The following C12orf43 variants were observed in gnomAD, a reference collection of about 807,000 sequenced individuals.
The protein encoded by C12orf43 is chromosome 12 open reading frame 43.
Under a neutral mutation model 20.6 loss-of-function variants are expected in C12orf43, and 15 were observed. The observed-to-expected ratio is 0.73, with a 90% CI of 0.49 to 1.12. The LOEUF (loss-of-function observed/expected upper bound fraction) is 1.12, where lower values mean the gene tolerates loss of function less well. Ranked by LOEUF, C12orf43 falls within the 50% of genes most tolerant of loss-of-function variation. The pLI is 0.00. For missense variants in C12orf43, 334 were observed against 344.4 expected, an observed-to-expected ratio of 0.97 and a Z score of 0.24; for synonymous variants, 144 against 130.8, an observed-to-expected ratio of 1.10 and a Z score of -0.69.
At position 121,000,646 on chromosome 12, in the gene C12orf43, C is replaced by A. The variant is rs775934972; in HGVS notation, c.*3507G>T. On this transcript the variant is annotated 3_prime_UTR_variant, in exon 6 of 6. Transcript: ENST00000288757. ...GGGAAACCGGTTTTTGCTCTTACGG[C>A]CTTCCACTGATGTAGGAGGCCCACC... The A allele has an allele frequency of 7.7e-6, 2 of 260,178 alleles. No individual in the cohort carries two copies. Among genetic ancestry groups the A allele is most frequent in the Non-Finnish European group, 1.5e-5 (2 of 131,356 alleles). 16.1% of individuals were successfully genotyped at this position (260,178 alleles called of 1,614,324 possible). A position where few individuals can be genotyped will look rare whatever the true frequency, so the allele number is the denominator to read the frequency against.
In C12orf43 at chr12:121,004,034, G is replaced by A; in HGVS notation, c.*119C>T. On this transcript the variant is annotated 3_prime_UTR_variant, in exon 6 of 6. Transcript: ENST00000288757. This position sits in a 1 kb window ranked among gnomAD's most constrained non-coding sequence, Gnocchi z 5.6. ...CATCAGGGTCTCATGGGCAGTCTGGGTTTGCCAGCCCAGTCCTTGAACTTG... is the reference window on the plus strand; with the variant it reads ...CATCAGGGTCTCATGGGCAGTCTGGATTTGCCAGCCCAGTCCTTGAACTTG... 8.5e-7 allele frequency: 1 copy of A among 1,180,830 alleles called. No homozygotes were observed. The highest frequency in any genetic ancestry group is 1.3e-6 in the Non-Finnish European group (1 of 795,558). 73.1% of individuals were successfully genotyped at this position (1,180,830 alleles called of 1,614,324 possible).
rs974407604 is a variant in C12orf43, at chr12:121,001,456, C to T, written c.*2697G>A. 18 of 520,294 alleles carry T rather than the reference C, an allele frequency of 3.5e-5. No homozygotes were observed. The highest frequency in any genetic ancestry group is 8.1e-5 in the South Asian group (4 of 49,162). 32.2% of individuals were successfully genotyped at this position (520,294 alleles called of 1,614,324 possible). A position where few individuals can be genotyped will look rare whatever the true frequency, so the allele number is the denominator to read the frequency against. On this transcript the variant is annotated 3_prime_UTR_variant, in exon 6 of 6. Coordinates refer to ENST00000288757, the MANE Select transcript of C12orf43 (RefSeq NM_022895.3). The stretch of plus-strand genomic sequence containing the variant: ...TCATGGCAGATGTAGGAGGGACTGT[C>T]GCTGCTTCGTGGGATACAGTCTTCT...
rs1420924570 is a variant in C12orf43, at chr12:121,002,358, T to G, written c.*1795A>C. ...AAGCATGGTCCCACATCCCTGGGCCTGCTGCTGAGAACCTGGCCTTCAGTG... is the reference window on the plus strand; with the variant it reads ...AAGCATGGTCCCACATCCCTGGGCCGGCTGCTGAGAACCTGGCCTTCAGTG... On this transcript the variant is annotated 3_prime_UTR_variant, in exon 6 of 6. Coordinates refer to ENST00000288757, the MANE Select transcript of C12orf43 (RefSeq NM_022895.3). The G allele has an allele frequency of 8.2e-6, 4 of 489,770 alleles. No homozygotes were observed. Among genetic ancestry groups the G allele is most frequent in the African/African-American group, 7.7e-5 (4 of 52,054 alleles). The allele number at this position is 489,770 out of a possible 1,614,324, so 30.3% of individuals were successfully genotyped here.
intron 1 of C12orf43, chr12:121,012,571 G>A (rs1373643991): frequency 1.5e-6 from 1 of 685,100 alleles, no homozygotes. Flanking sequence ...ATGGAGTCAA[G>A]GCCGGGCGCG....
At chr12:121,006,577 G>T (rs966473924) in intron 3 of C12orf43, 183 bp from the exon 4 acceptor site, 3 of 590,052 alleles carry the variant, frequency 5.1e-6, no homozygotes, top group African/African-American at 3.7e-5. Flanking sequence ...CACGCGAACT[G>T]CAGTGCTTCA....
chr12:121,008,853 C>T (rs1878219779), intron 3 of C12orf43, among the ~76,000 whole-genome samples: 1 of 152,230 alleles, frequency 6.6e-6, no homozygotes, highest in Non-Finnish European at 1.5e-5. Flanking sequence ...AGATCTAGAC[C>T]AGTGTATCCC....
In C12orf43 at chr12:121,016,484, C is replaced by T. The variant is rs1868950182; in HGVS notation, c.-10G>A. 6.2e-7 allele frequency: 1 copy of T among 1,613,860 alleles called. No homozygotes were observed. On this transcript the variant is annotated 5_prime_UTR_variant, in exon 1 of 6. In the 5' UTR this introduces an upstream ATG that the reference lacks. Transcript: ENST00000288757. ...CACTGGGCGCCGCCATCTTGAACCA[C>T]CGCAAAGGATTGTGGAGAACACCGC...
At chr12:121,014,649 A>C (rs1868733040) in intron 1 of C12orf43, among the ~76,000 whole-genome samples, 1 of 145,142 alleles carries the variant, frequency 6.9e-6, no homozygotes, top group Non-Finnish European at 1.5e-5. Context: ...AAAATGCAAA[A>C]AAAAAAAAAA....
chr12:121,002,390 G>A lies in C12orf43; in HGVS notation c.*1763C>T, dbSNP rs540820462. ...GAGAACCTGGCCTTCAGTGTACCGC[G>A]TCTACCCTGGGATTCAGGAAAAGGC... On this transcript the variant is annotated 3_prime_UTR_variant, in exon 6 of 6. Coordinates refer to ENST00000288757, the MANE Select transcript of C12orf43 (RefSeq NM_022895.3). 42 of 525,082 alleles carry A rather than the reference G, an allele frequency of 8.0e-5. 1 individual carries two copies. Among genetic ancestry groups the A allele is most frequent in the African/African-American group, 7.3e-4 (39 of 53,376 alleles). 32.5% of individuals were successfully genotyped at this position (525,082 alleles called of 1,614,324 possible). A position where few individuals can be genotyped will look rare whatever the true frequency, so the allele number is the denominator to read the frequency against.
Position 121,016,430 on chromosome 12 carries a change from G to A in C12orf43, c.45C>T (p.Asn15=). The A allele has an allele frequency of 1.2e-6, 2 of 1,614,026 alleles. No individual in the cohort carries two copies. The highest frequency in any genetic ancestry group is 1.7e-6 in the Non-Finnish European group (2 of 1,180,026). The change falls in exon 1 of 6, where the codon AAC becomes AAT. Residue 15 remains asparagine (N), a synonymous_variant. Coordinates refer to ENST00000288757, the MANE Select transcript of C12orf43 (RefSeq NM_022895.3). ...SGTVSDSESS[N]SSSDAEELER... Reference sequence around the variant, plus strand: ...CCAGCTCCTCCGCATCGCTACTGCTGTTACTACTTTCCGAATCGCTCACTG... The same window carrying A: ...CCAGCTCCTCCGCATCGCTACTGCTATTACTACTTTCCGAATCGCTCACTG...
rs200167654 is a variant in C12orf43 at position 121,016,289 on chromosome 12, C to T, written c.145+41G>A. On this transcript the variant is annotated intron_variant, in intron 1 of 5. Coordinates refer to ENST00000288757, the MANE Select transcript of C12orf43 (RefSeq NM_022895.3). ...ATCCTCTCAGGCTCCAGGGGAAGAT[C>T]CCACGCCCCTCAGCCAGTCTCCCCA... 3.1e-6 allele frequency: 5 copies of T among 1,611,760 alleles called. No homozygotes were observed. The Admixed American group carries it at 6.7e-5, about 21-fold the overall frequency.
chr12:121,011,141 C>G lies in C12orf43; in HGVS notation c.151G>C (p.Ala51Pro). 6.2e-7 allele frequency: 1 copy of G among 1,613,754 alleles called. No individual in the cohort carries two copies. Among genetic ancestry groups the G allele is most frequent in the Non-Finnish European group, 8.5e-7 (1 of 1,179,810 alleles). ...TGGGAGGTTGACAACTGGCTATTTG[C>G]AGCACCTGTGGAAAAATGAAAATTA... ...HVAGKPRAGA[A>P]NSQLSTSQPS... The change falls in exon 2 of 6, where the codon GCA (alanine) becomes CCA (proline). Residue 51 changes from alanine to proline, a missense_variant. Transcript: ENST00000288757.
At position 121,001,385 on chromosome 12, in the gene C12orf43, C is replaced by T. The variant is rs972789249; in HGVS notation, c.*2768G>A. 2.2e-5 allele frequency: 15 copies of T among 672,044 alleles called. No homozygotes were observed. Among genetic ancestry groups the T allele is most frequent in the South Asian group, 5.5e-5 (3 of 54,150 alleles). The allele number at this position is 672,044 out of a possible 1,614,324, so 41.6% of individuals were successfully genotyped here. A position where few individuals can be genotyped will look rare whatever the true frequency, so the allele number is the denominator to read the frequency against. ...GGCGCCCCAACCCGTGGAGGCTGCT[C>T]GGGGTGCACAGGAGGGGGTCGTGGA... is the stretch of plus-strand genomic sequence containing the variant. On this transcript the variant is annotated 3_prime_UTR_variant, in exon 6 of 6. Transcript: ENST00000288757.
rs1877513238 is a variant in C12orf43, at chr12:121,001,886, G to A, written c.*2267C>T. ...AGCGATTCCCTCTCCCAGGCCCCAT[G>A]ACCTCCAGCTTTCCTGTATTTGTTC... On this transcript the variant is annotated 3_prime_UTR_variant, in exon 6 of 6. Coordinates refer to ENST00000288757, the MANE Select transcript of C12orf43 (RefSeq NM_022895.3). 1 of 513,294 alleles carries A rather than the reference G, an allele frequency of 1.9e-6. No individual in the cohort carries two copies. Among genetic ancestry groups the A allele is most frequent in the African/African-American group, 1.9e-5 (1 of 53,382 alleles). 31.8% of individuals were successfully genotyped at this position (513,294 alleles called of 1,614,324 possible). A position where few individuals can be genotyped will look rare whatever the true frequency, so the allele number is the denominator to read the frequency against.
chr12:121,002,664 G>C lies in C12orf43; in HGVS notation c.*1489C>G. The C allele has an allele frequency of 2.9e-6, 1 of 340,546 alleles. No homozygotes were observed. The allele number at this position is 340,546 out of a possible 1,614,324, so 21.1% of individuals were successfully genotyped here. ...TTTCTTGCTCTGCTGAGACTCTAAT[G>C]ACAAAGCCAGATTTCATCTTAACCT... On this transcript the variant is annotated 3_prime_UTR_variant, in exon 6 of 6. Transcript: ENST00000288757.
chr12:121,006,259 C>T, intron 4 of C12orf43, 62 bp downstream of exon 4: 1 of 1,425,228 alleles, frequency 7.0e-7, no homozygotes, highest in Admixed American at 1.9e-5. Flanking sequence ...CTGTTTCGCC[C>T]ACCTCCAGAC....
At position 121,004,591 on chromosome 12, in the gene C12orf43, G is replaced by A. The variant is rs915029388; in HGVS notation, c.453-102C>T. The A allele has an allele frequency of 8.4e-6, 10 of 1,190,394 alleles. No individual in the cohort carries two copies. Among genetic ancestry groups the A allele is most frequent in the African/African-American group, 1.5e-5 (1 of 65,410 alleles). 73.7% of individuals were successfully genotyped at this position (1,190,394 alleles called of 1,614,324 possible). ...TGGTCCAGGTCACCAGAAGGTGGCCGCAGAGAGAGGCAGGTAGTGAGTTCA... is the reference window on the plus strand; with the variant it reads ...TGGTCCAGGTCACCAGAAGGTGGCCACAGAGAGAGGCAGGTAGTGAGTTCA... On this transcript the variant is annotated intron_variant, in intron 5 of 5. Coordinates refer to ENST00000288757, the MANE Select transcript of C12orf43 (RefSeq NM_022895.3). The surrounding 1 kb of genome is among the most constrained non-coding windows in gnomAD (Gnocchi z 5.6).
Position 121,004,141 on chromosome 12 carries a change from C to A in C12orf43, c.*12G>T. The stretch of plus-strand genomic sequence containing the variant: ...CCTTGGAGCTGGCTGAGCCCTGTGC[C>A]CATGGCTGGGTTCAGTTTGCAGGTA... On this transcript the variant is annotated 3_prime_UTR_variant, in exon 6 of 6. Coordinates refer to ENST00000288757, the MANE Select transcript of C12orf43 (RefSeq NM_022895.3). This position sits in a 1 kb window ranked among gnomAD's most constrained non-coding sequence, Gnocchi z 5.6. The A allele has an allele frequency of 1.2e-6, 2 of 1,613,860 alleles. No individual in the cohort carries two copies. Among genetic ancestry groups the A allele is most frequent in the Non-Finnish European group, 1.7e-6 (2 of 1,179,734 alleles).
chr12:121,002,263 G>A lies in C12orf43; in HGVS notation c.*1890C>T, dbSNP rs886049035. 8 of 439,870 alleles carry A rather than the reference G, an allele frequency of 1.8e-5. No individual in the cohort carries two copies. The highest frequency in any genetic ancestry group is 3.9e-4 in the Middle Eastern group (1 of 2,588). The allele number at this position is 439,870 out of a possible 1,614,324, so 27.2% of individuals were successfully genotyped here. On this transcript the variant is annotated 3_prime_UTR_variant, in exon 6 of 6. Transcript: ENST00000288757. ...GGGCCTGGCTGGCTGAGGGCAGTTC[G>A]CAGCCACCCTGAGGAGTCTGAGGTC...
Sources: gnomAD v4.1 joint callset for allele counts (sites outside exome capture counted in the v4.1 genomes callset) on GRCh38, gnomAD v4.1.1 for gene constraint, Gnocchi (gnomAD v3.1) non-coding constraint, MANE v1.5 for transcripts, NCBI Gene and HGNC (gene_info 2026-07-23, HGNC 2026-07-21) for gene names.